The following DGKB variants were observed in gnomAD, a reference collection of about 807,000 sequenced individuals.
DGKB encodes 90 kDa diacylglycerol kinase.
In DGKB, 67 loss-of-function variants were observed where a neutral mutation model predicts 114.3. The observed-to-expected ratio is 0.59, with a 90% CI of 0.48 to 0.72. The LOEUF (loss-of-function observed/expected upper bound fraction) is 0.72, where lower values mean the gene tolerates loss of function less well. DGKB is among the 30% of genes least tolerant of loss of function. The probability of loss-of-function intolerance (pLI) is 0.00; values close to 1 mark genes in which losing one functional copy is unlikely to be tolerated. For synonymous variants in DGKB, 398 were observed against 323.1 expected, an observed-to-expected ratio of 1.23 and a Z score of -2.49; for missense variants, 907 against 975.2, an observed-to-expected ratio of 0.93 and a Z score of 0.93.
intron 25 of DGKB, among the ~76,000 whole-genome samples, chr7:14,171,673 A>G (rs1160585307): frequency 6.6e-6 from 1 of 152,216 alleles, no homozygotes; most frequent in Non-Finnish European, 1.5e-5. Context: ...AGATAACTCA[A>G]AATAACTTTT....
chr7:14,331,351 GATTTA>G (rs1281471307), intron 23 of DGKB, among the ~76,000 whole-genome samples: 1 of 151,894 alleles, frequency 6.6e-6, no homozygotes, highest in Non-Finnish European at 1.5e-5. Flanking sequence ...AAATTTAATT[GATTTA>G]ATCACTGAAA....
At chr7:14,680,326 A>G (rs1820614376) in intron 12 of DGKB, among the ~76,000 whole-genome samples, 1 of 151,992 alleles carries the variant, frequency 6.6e-6, no homozygotes, top group African/African-American at 2.4e-5. Context: ...ATTCAATGGT[A>G]TTTAGTGTAA....
chr7:14,754,982 T>TGTGGTTAC (rs1562451710), intron 3 of DGKB, among the ~76,000 whole-genome samples: 1 of 152,214 alleles, frequency 6.6e-6, no homozygotes, highest in Non-Finnish European at 1.5e-5. Flanking sequence ...AATTAGGTTT[T>TGTGGTTAC]TGTTGTGGTT....
At chr7:14,710,501 T>C (rs946829855) in intron 6 of DGKB, among the ~76,000 whole-genome samples, 1 of 152,152 alleles carries the variant, frequency 6.6e-6, no homozygotes, top group Non-Finnish European at 1.5e-5. Flanking sequence ...CTTGCCTTAT[T>C]GCCATGAGCA....
chr7:14,717,397 C>G (rs951067624), intron 6 of DGKB, among the ~76,000 whole-genome samples: 1 of 152,026 alleles, frequency 6.6e-6, no homozygotes, highest in Admixed American at 6.6e-5. Flanking sequence ...ATTCACTGAA[C>G]ATTAATATTT....
chr7:14,476,061 A>G (rs541139739), intron 21 of DGKB, among the ~76,000 whole-genome samples: 1 of 151,936 alleles, frequency 6.6e-6, no homozygotes, highest in Non-Finnish European at 1.5e-5. Context: ...TAAGAGGTAC[A>G]CTCCAAAAGG....
intron 20 of DGKB, among the ~76,000 whole-genome samples, chr7:14,519,918 T>G (rs919156782): frequency 3.9e-5 from 6 of 151,998 alleles, no homozygotes; most frequent in African/African-American, 1.4e-4. Context: ...TTATTATTAT[T>G]GGAGAGAGAT....
intron 20 of DGKB, among the ~76,000 whole-genome samples, chr7:14,515,737 T>C (rs1453384669): frequency 6.6e-6 from 1 of 152,234 alleles, no homozygotes. Context: ...ATTTGAATAA[T>C]CACCTTGACT....
intron 23 of DGKB, among the ~76,000 whole-genome samples, chr7:14,214,605 TATTA>T (rs1232504090): frequency 2.0e-5 from 3 of 152,170 alleles, no homozygotes; most frequent in Non-Finnish European, 2.9e-5. Flanking sequence ...TATTTTGCTC[TATTA>T]ATTAGAAAAA....
chr7:14,626,630 T>G (rs2128830423), intron 14 of DGKB, among the ~76,000 whole-genome samples: 1 of 152,328 alleles, frequency 6.6e-6, no homozygotes, highest in South Asian at 2.1e-4. Context: ...CAATATGGAC[T>G]GAACGTGGGA....
chr7:14,489,955 C>A (rs1032801864), intron 20 of DGKB, among the ~76,000 whole-genome samples: 13 of 151,976 alleles, frequency 8.6e-5, no homozygotes, highest in African/African-American at 3.1e-4. Context: ...TGTGGTGGAA[C>A]CAGAACTAGA....
At chr7:14,350,493 C>T (rs1408430377) in intron 21 of DGKB, among the ~76,000 whole-genome samples, 3 of 151,882 alleles carry the variant, frequency 2.0e-5, no homozygotes, top group Admixed American at 2.0e-4. Flanking sequence ...AACAAAGATG[C>T]AACATACAGA....
chr7:14,560,377 T>C (rs932309719), intron 20 of DGKB, among the ~76,000 whole-genome samples: 2 of 152,164 alleles, frequency 1.3e-5, no homozygotes, highest in Non-Finnish European at 2.9e-5. Context: ...CCCCTCTTCC[T>C]AGCCCTGGTA....
intron 2 of DGKB, among the ~76,000 whole-genome samples, chr7:14,796,440 C>T (rs1841415353): frequency 6.6e-6 from 1 of 152,072 alleles, no homozygotes; most frequent in African/African-American, 2.4e-5. Flanking sequence ...CAGACCAGAC[C>T]AAAGCTTTCA....
intron 13 of DGKB, among the ~76,000 whole-genome samples, chr7:14,646,697 T>C (rs113535450): frequency 0.031 from 4,757 of 151,976 alleles, 261 homozygotes; most frequent in African/African-American, 0.11. Flanking sequence ...ACTTTGGAAA[T>C]TGTACAAATA....
Position 14,673,026 on chromosome 7 carries a change from A to C in DGKB, c.1037T>G (p.Leu346Arg). Residue 346 changes from leucine to arginine, a missense_variant and splice_region_variant, in exon 13 of 26, where the codon CTG becomes CGG. Around this residue, in one of 3 missense-constraint regions of DGKB, gnomAD observed 814 missense variants for 856.6 expected, o/e 0.95. Coordinates refer to ENST00000402815, the MANE Select transcript of DGKB (RefSeq NM_001350709.2). The part of the protein sequence containing the change: ...GLHCVWCQIT[L>R]HNKCASHLKP... The stretch of plus-strand genomic sequence containing the variant: ...TAGATGAGAAGCACATTTATTATGC[A>C]GCTAGAAAAACAGAAAGGGGGATAG... 1 of 1,556,670 alleles carries C rather than the reference A, an allele frequency of 6.4e-7. No homozygotes were observed. The highest frequency in any genetic ancestry group is 8.7e-7 in the Non-Finnish European group (1 of 1,146,588).
intron 21 of DGKB, among the ~76,000 whole-genome samples, chr7:14,383,698 G>A (rs1819858983): frequency 6.6e-6 from 1 of 152,172 alleles, no homozygotes; most frequent in African/African-American, 2.4e-5. Flanking sequence ...CTTTCTTTAA[G>A]CATTTGTCCT....
chr7:14,825,014 A>G (rs867645081), intron 2 of DGKB, among the ~76,000 whole-genome samples: 28 of 77,994 alleles, frequency 3.6e-4, no homozygotes, highest in East Asian at 7.8e-4. Flanking sequence ...ATGTATGTGT[A>G]TGTATATATA....
intron 13 of DGKB, among the ~76,000 whole-genome samples, chr7:14,653,561 C>G (rs1320572363): frequency 6.6e-6 from 1 of 151,622 alleles, no homozygotes; most frequent in Non-Finnish European, 1.5e-5. Context: ...TGCTAGATGA[C>G]GAGTTAGTGG....
Sources: gnomAD v4.1 joint callset for allele counts (sites outside exome capture counted in the v4.1 genomes callset) on GRCh38, gnomAD v4.1.1 for gene constraint, gnomAD v4.1.1 regional missense constraint, MANE v1.5 for transcripts, NCBI Gene and HGNC (gene_info 2026-07-23, HGNC 2026-07-21) for gene names.